Variants in TRIM23 observed in about 807,000 individuals in gnomAD.
The protein encoded by TRIM23 is tripartite motif containing 23, also known as E3 ubiquitin-protein ligase TRIM23.
In TRIM23, 27 loss-of-function variants were observed where a neutral mutation model predicts 71.0. The ratio of observed to expected loss-of-function variants is 0.38; its 90% confidence interval spans 0.28 to 0.52. The LOEUF (loss-of-function observed/expected upper bound fraction) is 0.52, where lower values mean the gene tolerates loss of function less well. TRIM23 is among the 20% of genes least tolerant of loss of function. TRIM23 has a pLI of 0.84. For synonymous variants in TRIM23, 234 were observed against 238.0 expected (o/e 0.98, Z 0.16); for missense variants, 482 against 692.3 (o/e 0.70, Z 3.41).
At position 65,590,108 on chromosome 5, in the gene TRIM23, A is replaced by G. The variant is rs1753977863; in HGVS notation, c.*1661T>C. 1 of 440,150 alleles carries G rather than the reference A, an allele frequency of 2.3e-6. No homozygotes were observed. The highest frequency in any genetic ancestry group is 3.5e-5 in the East Asian group (1 of 28,186). The allele number at this position is 440,150 out of a possible 1,614,324, so 27.3% of individuals were successfully genotyped here. Reference sequence around the variant, plus strand: ...GTGCATTACAAAGTTTAGCAAAATTAGTGAAAAGGGAAGCAAGTTCACCTT... The same window carrying G: ...GTGCATTACAAAGTTTAGCAAAATTGGTGAAAAGGGAAGCAAGTTCACCTT... On this transcript the variant is annotated 3_prime_UTR_variant, in exon 11 of 11. Coordinates refer to ENST00000231524, the MANE Select transcript of TRIM23 (RefSeq NM_001656.4).
rs539936396 is a variant in TRIM23, at chr5:65,621,091, G to A, written c.82-2836C>T. Reference sequence around the variant, plus strand: ...TCATAGGCTGGGTGCGGTGGCTCACGCCTGTAATCTCAGCACTTTGGGAGG... The same window carrying A: ...TCATAGGCTGGGTGCGGTGGCTCACACCTGTAATCTCAGCACTTTGGGAGG... On this transcript the variant is annotated intron_variant, in intron 1 of 10. Coordinates refer to ENST00000231524, the MANE Select transcript of TRIM23 (RefSeq NM_001656.4). Among the ~76,000 whole-genome samples the A allele has an allele frequency of 7.2e-5, 11 of 152,144 alleles. No individual in the cohort carries two copies. In the South Asian group the frequency reaches 2.3e-3, roughly 32 times the overall value.
chr5:65,613,799 A>G (rs1478067515), intron 3 of TRIM23: 9 of 1,301,878 alleles, frequency 6.9e-6, no homozygotes, highest in African/African-American at 3.0e-5. Context: ...TGTTGCTTAC[A>G]TATCTTTCTT....
At chr5:65,598,469 G>A (rs938865927) in intron 7 of TRIM23, among the ~76,000 whole-genome samples, 3 of 152,190 alleles carry the variant, frequency 2.0e-5, no homozygotes, top group Non-Finnish European at 2.9e-5. Context: ...ACATTAGGCC[G>A]GGCGTGGTGG....
chr5:65,596,938 T>C lies in TRIM23; in HGVS notation c.1309+113A>G, dbSNP rs1235345465. 6.7e-6 allele frequency: 9 copies of C among 1,336,136 alleles called. No homozygotes were observed. The East Asian group carries it at 1.2e-4, about 17-fold the overall frequency. The allele number at this position is 1,336,136 out of a possible 1,614,324, so 82.8% of individuals were successfully genotyped here. On this transcript the variant is annotated intron_variant, in intron 8 of 10. Transcript: ENST00000231524. The stretch of plus-strand genomic sequence containing the variant: ...TTTTTTCTCTGAGATGCTGATATCT[T>C]AGAGCCAGAAAAGAGCCCACCACCA...
In TRIM23 at chr5:65,614,223, G is replaced by C. The variant is rs1554125856; in HGVS notation, c.245-4C>G. On this transcript the variant is annotated splice_region_variant and splice_polypyrimidine_tract_variant and intron_variant, in intron 2 of 10. Transcript: ENST00000231524. The stretch of plus-strand genomic sequence containing the variant: ...AATCCCCAGACACCTGAATCACCTA[G>C]AATAAATATAAAAACAAAAACTAAA... 7 of 1,611,504 alleles carry C rather than the reference G, an allele frequency of 4.3e-6. No individual in the cohort carries two copies. The Middle Eastern group carries it at 5.0e-4, about 114-fold the overall frequency.
At chr5:65,611,092 T>C (rs946817592) in intron 4 of TRIM23, 49 bp from the exon 5 acceptor site, 2 of 1,476,248 alleles carry the variant, frequency 1.4e-6, no homozygotes, top group South Asian at 2.7e-5. Context: ...TATTGACTAA[T>C]AATATAAAAA....
At chr5:65,596,993 G>A in intron 8 of TRIM23, 58 bp downstream of exon 8, 1 of 1,593,948 alleles carries the variant, frequency 6.3e-7, no homozygotes, top group South Asian at 1.1e-5. Context: ...AAGACCCCAA[G>A]AACTTGGCTG....
intron 7 of TRIM23, among the ~76,000 whole-genome samples, chr5:65,598,562 C>T (rs1453005267): frequency 6.6e-6 from 1 of 152,140 alleles, no homozygotes; most frequent in Admixed American, 6.5e-5. Flanking sequence ...CCAGCCTGAC[C>T]AACATAGAGA....
intron 1 of TRIM23, among the ~76,000 whole-genome samples, chr5:65,622,472 C>A (rs542552211): frequency 6.6e-6 from 1 of 152,172 alleles, no homozygotes; most frequent in African/African-American, 2.4e-5. Flanking sequence ...TGTGCCACCG[C>A]GCCTAGCCAC....
intron 4 of TRIM23, 97 bp from the exon 5 acceptor site, chr5:65,611,140 C>T: frequency 8.9e-7 from 1 of 1,122,428 alleles, no homozygotes; most frequent in Non-Finnish European, 1.2e-6. Context: ...AAGCATCAGC[C>T]ACAAGTGACT....
chr5:65,592,597 A>G (rs758378375), intron 10 of TRIM23, among the ~76,000 whole-genome samples: 2 of 152,184 alleles, frequency 1.3e-5, no homozygotes, highest in South Asian at 2.1e-4. Flanking sequence ...TGGTTTATAT[A>G]TAGGGTTATA....
intron 10 of TRIM23, among the ~76,000 whole-genome samples, chr5:65,593,820 G>A (rs1308984478): frequency 6.6e-6 from 1 of 152,114 alleles, no homozygotes; most frequent in Non-Finnish European, 1.5e-5. Context: ...TCTTGTTAAT[G>A]CTCACTTGAA....
In TRIM23 at chr5:65,603,565, T is replaced by C. The variant is rs114297608; in HGVS notation, c.1179+1346A>G. Reference sequence around the variant, plus strand: ...AGAAAAAATTCTAAATGATTTTCTATGGGGAATGAAGTAAAAAGGGTAGAA... The same window carrying C: ...AGAAAAAATTCTAAATGATTTTCTACGGGGAATGAAGTAAAAAGGGTAGAA... On this transcript the variant is annotated intron_variant, in intron 7 of 10. Coordinates refer to ENST00000231524, the MANE Select transcript of TRIM23 (RefSeq NM_001656.4). Among the ~76,000 whole-genome samples the C allele has an allele frequency of 1.0e-2, 1,521 of 152,312 alleles. 20 individuals are homozygous for C. The highest frequency in any genetic ancestry group is 0.035 in the African/African-American group (1,439 of 41,572).
intron 1 of TRIM23, among the ~76,000 whole-genome samples, chr5:65,619,710 AAACAT>A (rs1255800226): frequency 6.6e-6 from 1 of 152,226 alleles, no homozygotes; most frequent in African/African-American, 2.4e-5. Context: ...TAAAAATAAG[AAACAT>A]AACATTGTTC....
intron 2 of TRIM23, among the ~76,000 whole-genome samples, chr5:65,617,026 A>G (rs1354492162): frequency 6.6e-6 from 1 of 152,192 alleles, no homozygotes; most frequent in Non-Finnish European, 1.5e-5. Flanking sequence ...TGGCCTAAGT[A>G]TAGTTTTATA....
intron 7 of TRIM23, among the ~76,000 whole-genome samples, chr5:65,599,417 A>G (rs942956592): frequency 6.6e-6 from 1 of 152,252 alleles, no homozygotes; most frequent in East Asian, 1.9e-4. Context: ...AATAAACTCA[A>G]CCAAGATGGT....
intron 1 of TRIM23, 107 bp downstream of exon 1, chr5:65,624,087 C>T: frequency 1.5e-6 from 2 of 1,336,646 alleles, no homozygotes; most frequent in Non-Finnish European, 2.1e-6. Context: ...GGCCCAGAGG[C>T]CGCGCATCCC....
At chr5:65,624,135 C>A in intron 1 of TRIM23, 59 bp downstream of exon 1, 1 of 1,608,206 alleles carries the variant, frequency 6.2e-7, no homozygotes, top group South Asian at 1.1e-5. Context: ...GCCGCCAGGT[C>A]TCCAGGATGA....
intron 3 of TRIM23, among the ~76,000 whole-genome samples, chr5:65,613,481 C>A (rs531665689): frequency 2.0e-5 from 3 of 152,160 alleles, no homozygotes; most frequent in South Asian, 2.1e-4. Flanking sequence ...TAACAGCCTA[C>A]GAAAGCCATG....
Sources: gnomAD v4.1 joint callset for allele counts (sites outside exome capture counted in the v4.1 genomes callset) on GRCh38, gnomAD v4.1.1 for gene constraint, MANE v1.5 for transcripts, NCBI Gene and HGNC (gene_info 2026-07-23, HGNC 2026-07-21) for gene names.